ADAMTS12: variants seen among roughly 807,000 people sequenced by gnomAD.
The protein encoded by ADAMTS12 is A disintegrin and metalloproteinase with thrombospondin motifs 12.
Under a neutral mutation model 167.8 loss-of-function variants are expected in ADAMTS12, and 118 were observed. That is an observed-to-expected ratio of 0.70 (90% confidence interval 0.61 to 0.82). The LOEUF is 0.82. Among genes scored for constraint, ADAMTS12 ranks in the 40% least tolerant of loss-of-function variants. The probability of loss-of-function intolerance (pLI) is 0.00; values close to 1 mark genes in which losing one functional copy is unlikely to be tolerated. For missense variants in ADAMTS12, 1,916 were observed against 1,998.8 expected (o/e 0.96, Z 0.79); for synonymous variants, 704 against 716.9 (o/e 0.98, Z 0.29).
intron 2 of ADAMTS12, among the ~76,000 whole-genome samples, chr5:33,848,199 AGAGT>A (rs1261772854): frequency 6.6e-6 from 1 of 151,908 alleles, no homozygotes; most frequent in African/African-American, 2.4e-5. Flanking sequence ...CCTGGGTAAC[AGAGT>A]AAGACTCTGT....
At chr5:33,846,526 T>G (rs1476791193) in intron 2 of ADAMTS12, among the ~76,000 whole-genome samples, 1 of 152,192 alleles carries the variant, frequency 6.6e-6, no homozygotes, top group East Asian at 1.9e-4. Flanking sequence ...ACGGCCTTGA[T>G]TGCTGCTCCA....
intron 11 of ADAMTS12, among the ~76,000 whole-genome samples, chr5:33,640,441 G>A (rs995643834): frequency 8.5e-5 from 13 of 152,152 alleles, no homozygotes; most frequent in Non-Finnish European, 1.2e-4. Context: ...TGAATATACA[G>A]CATTGACAAT....
chr5:33,560,511 G>T (rs1363441472), intron 20 of ADAMTS12, among the ~76,000 whole-genome samples: 1 of 152,036 alleles, frequency 6.6e-6, no homozygotes, highest in Admixed American at 6.6e-5. Flanking sequence ...GCAAAGACTT[G>T]GAACCAACCC....
intron 3 of ADAMTS12, among the ~76,000 whole-genome samples, chr5:33,746,568 T>G (rs755428368): frequency 6.6e-6 from 1 of 151,974 alleles, no homozygotes; most frequent in African/African-American, 2.4e-5. Flanking sequence ...TAGTAAAACA[T>G]GAAAGAAAGA....
chr5:33,654,871 A>ATTTTT (rs750362713), intron 7 of ADAMTS12, among the ~76,000 whole-genome samples: 13 of 74,530 alleles, frequency 1.7e-4, no homozygotes, highest in African/African-American at 7.1e-4. Flanking sequence ...TATGTGGGTG[A>ATTTTT]TTTTGTGTGT....
At chr5:33,792,241 C>T (rs1746603447) in intron 2 of ADAMTS12, among the ~76,000 whole-genome samples, 1 of 152,144 alleles carries the variant, frequency 6.6e-6, no homozygotes, top group Non-Finnish European at 1.5e-5. Flanking sequence ...AGTGATCTGC[C>T]TGCCTCGGCA....
intron 3 of ADAMTS12, among the ~76,000 whole-genome samples, chr5:33,712,764 T>C (rs886679552): frequency 8.5e-5 from 13 of 152,272 alleles, no homozygotes; most frequent in African/African-American, 3.1e-4. Flanking sequence ...TGAGTACTTC[T>C]TGTACAAAGA....
At chr5:33,596,583 G>T (rs912162205) in intron 16 of ADAMTS12, among the ~76,000 whole-genome samples, 1 of 152,184 alleles carries the variant, frequency 6.6e-6, no homozygotes, top group Non-Finnish European at 1.5e-5. Flanking sequence ...TTGGGAGGCT[G>T]AGGCAGGAGA....
rs1192535737 is a variant in ADAMTS12 at position 33,682,948 on chromosome 5, A to G, written c.915+70T>C. Reference sequence around the variant, plus strand: ...GTACCCTCTTTCTTGTCTACCAAGAACTCCCCTGAAAAAAAGAAGGTAGGA... The same window carrying G: ...GTACCCTCTTTCTTGTCTACCAAGAGCTCCCCTGAAAAAAAGAAGGTAGGA... On this transcript the variant is annotated intron_variant, in intron 5 of 23. Transcript: ENST00000504830. The G allele has an allele frequency of 2.3e-5, 30 of 1,293,964 alleles. 2 individuals are homozygous for G. Among genetic ancestry groups the G allele is most frequent in the South Asian group, 9.2e-5 (7 of 76,064 alleles). 80.2% of individuals were successfully genotyped at this position (1,293,964 alleles called of 1,614,324 possible). A position where few individuals can be genotyped will look rare whatever the true frequency, so the allele number is the denominator to read the frequency against.
intron 7 of ADAMTS12, 34 bp downstream of exon 7, chr5:33,658,150 T>C (rs772497220): frequency 6.2e-7 from 1 of 1,610,502 alleles, no homozygotes; most frequent in Admixed American, 1.7e-5. Flanking sequence ...CACATGAATA[T>C]GGTGAGCAAA....
intron 2 of ADAMTS12, among the ~76,000 whole-genome samples, chr5:33,876,228 C>T (rs1750220281): frequency 6.6e-6 from 1 of 152,126 alleles, no homozygotes; most frequent in Non-Finnish European, 1.5e-5. Flanking sequence ...TCTTCCCAAA[C>T]TAATATATAG....
intron 3 of ADAMTS12, among the ~76,000 whole-genome samples, chr5:33,701,004 C>T (rs924400826): frequency 6.6e-6 from 1 of 152,122 alleles, no homozygotes; most frequent in Non-Finnish European, 1.5e-5. Context: ...AACTCCAGAT[C>T]TGTGTTTCCT....
At chr5:33,572,172 A>T (rs1274575344) in intron 19 of ADAMTS12, among the ~76,000 whole-genome samples, 1 of 152,170 alleles carries the variant, frequency 6.6e-6, no homozygotes, top group Non-Finnish European at 1.5e-5. Flanking sequence ...CAGAGGTACA[A>T]GGAGGAACTG....
chr5:33,706,021 A>G (rs185380243), intron 3 of ADAMTS12, among the ~76,000 whole-genome samples: 3 of 152,318 alleles, frequency 2.0e-5, no homozygotes, highest in African/African-American at 7.2e-5. Context: ...AATAATTAAT[A>G]TTGTTAAAAT....
intron 7 of ADAMTS12, 129 bp from the exon 8 acceptor site, chr5:33,649,826 A>T (rs557613295): frequency 8.0e-7 from 1 of 1,245,174 alleles, no homozygotes; most frequent in African/African-American, 1.5e-5. Context: ...ACTGTTTGCA[A>T]AGTGAGACTT....
chr5:33,849,295 AAT>A (rs1158105713), intron 2 of ADAMTS12, among the ~76,000 whole-genome samples: 26 of 107,772 alleles, frequency 2.4e-4, no homozygotes, highest in South Asian at 2.4e-3. Flanking sequence ...ATTGCATAGC[AAT>A]ATATATATAT....
intron 3 of ADAMTS12, among the ~76,000 whole-genome samples, chr5:33,723,230 G>A (rs1307544457): frequency 6.6e-6 from 1 of 152,174 alleles, no homozygotes; most frequent in African/African-American, 2.4e-5. Flanking sequence ...TAAAGGTTTT[G>A]AGAAGCGAAC....
In ADAMTS12 at chr5:33,838,392, G is replaced by A. The variant is rs118133965; in HGVS notation, c.489+42727C>T. Among the ~76,000 whole-genome samples the A allele has an allele frequency of 5.9e-5, 9 of 152,258 alleles. No homozygotes were observed. In the East Asian group the frequency reaches 1.7e-3, roughly 29 times the overall value. ...CGTAGGCCACAAAGGTATTCAAGAA[G>A]CAGAACTAGGCCAGGCACGGTGGCT... On this transcript the variant is annotated intron_variant, in intron 2 of 23. Coordinates refer to ENST00000504830, the MANE Select transcript of ADAMTS12 (RefSeq NM_030955.4).
chr5:33,579,507 A>T (rs1746943373), intron 18 of ADAMTS12, among the ~76,000 whole-genome samples: 1 of 152,058 alleles, frequency 6.6e-6, no homozygotes, highest in South Asian at 2.1e-4. Flanking sequence ...AAATGTTGCT[A>T]ATATCTCTAA....
Sources: gnomAD v4.1 joint callset for allele counts (sites outside exome capture counted in the v4.1 genomes callset) on GRCh38, gnomAD v4.1.1 for gene constraint, MANE v1.5 for transcripts, NCBI Gene and HGNC (gene_info 2026-07-23, HGNC 2026-07-21) for gene names.